Variants in CUBN observed in about 807,000 individuals in gnomAD.
CUBN encodes the protein 460 kDa receptor.
A neutral mutation model predicts 405.3 loss-of-function variants in CUBN; 282 were observed. The observed-to-expected ratio is 0.70, with a 90% confidence interval of 0.63 to 0.77. The LOEUF (loss-of-function observed/expected upper bound fraction) is 0.77. Ranked by LOEUF, CUBN falls within the 30% of genes least tolerant of loss-of-function variation. The probability of loss-of-function intolerance (pLI) is 0.00; values close to 1 mark genes in which losing one functional copy is unlikely to be tolerated. For missense variants in CUBN, 4,514 were observed against 4,475.2 expected (o/e 1.01, Z -0.25); for synonymous variants, 1,684 against 1,617.0 (o/e 1.04, Z -0.99).
chr10:16,949,256 G>T (rs1036261906), intron 34 of CUBN, among the ~76,000 whole-genome samples: 1 of 152,090 alleles, frequency 6.6e-6, no homozygotes, highest in African/African-American at 2.4e-5. Flanking sequence ...GTGTGCATAG[G>T]GTGTGGAGAG....
chr10:17,065,741 C>T, intron 21 of CUBN, 103 bp from the exon 22 acceptor site: 1 of 1,342,130 alleles, frequency 7.5e-7, no homozygotes. Flanking sequence ...AGGTTTTGTT[C>T]TCTACCTCTC....
chr10:17,113,822 G>A (rs1836822342), intron 8 of CUBN, among the ~76,000 whole-genome samples: 1 of 152,194 alleles, frequency 6.6e-6, no homozygotes, highest in East Asian at 1.9e-4. Context: ...CCCAAAGTCT[G>A]ACTCTAGCAC....
chr10:17,062,073 C>G (rs1404192225), intron 22 of CUBN, among the ~76,000 whole-genome samples: 1 of 152,170 alleles, frequency 6.6e-6, no homozygotes, highest in Non-Finnish European at 1.5e-5. Flanking sequence ...CACCCATGCG[C>G]GGAGATACTA....
At chr10:16,970,114 A>G (rs1687699) in intron 31 of CUBN, among the ~76,000 whole-genome samples, 127,180 of 152,242 alleles carry the variant, frequency 0.84, 53,642 homozygotes, top group Non-Finnish European at 0.9. Context: ...AGAAACAAGC[A>G]CCTGGCAGTG....
chr10:17,093,613 CT>C (rs923715615), intron 14 of CUBN, among the ~76,000 whole-genome samples: 1 of 151,872 alleles, frequency 6.6e-6, no homozygotes, highest in African/African-American at 2.4e-5. Flanking sequence ...TCCAGAACCC[CT>C]GCAACATATC....
chr10:17,107,745 C>T (rs1276671912), intron 10 of CUBN, among the ~76,000 whole-genome samples: 2 of 152,088 alleles, frequency 1.3e-5, no homozygotes, highest in Admixed American at 6.5e-5. Context: ...GATCCACCTG[C>T]CTCGACCTCC....
intron 28 of CUBN, among the ~76,000 whole-genome samples, chr10:16,993,434 T>C (rs775583629): frequency 6.6e-6 from 1 of 152,220 alleles, no homozygotes; most frequent in Admixed American, 6.5e-5. Flanking sequence ...AGGATACTAA[T>C]ACCCTTAAAT....
At chr10:16,910,218 C>G (rs994613319) in intron 48 of CUBN, among the ~76,000 whole-genome samples, 8 of 151,234 alleles carry the variant, frequency 5.3e-5, no homozygotes, top group African/African-American at 1.5e-4. Flanking sequence ...TCCCTCTCTT[C>G]TCCCTCTTCT....
chr10:17,009,684 A>C (rs1256970351), intron 28 of CUBN, among the ~76,000 whole-genome samples: 1 of 152,212 alleles, frequency 6.6e-6, no homozygotes, highest in African/African-American at 2.4e-5. Context: ...ACTGCAGACC[A>C]ACTGAATCCT....
chr10:17,005,884 T>C (rs1451037432), intron 28 of CUBN, among the ~76,000 whole-genome samples: 1 of 152,124 alleles, frequency 6.6e-6, no homozygotes, highest in Non-Finnish European at 1.5e-5. Context: ...AAGAGGCAAT[T>C]AAGTTAAAAT....
chr10:17,044,870 T>C, intron 25 of CUBN, 137 bp downstream of exon 25: 1 of 919,264 alleles, frequency 1.1e-6, no homozygotes. Context: ...TCTTTTATGT[T>C]TTTATTTTGT....
At chr10:16,944,392 C>G (rs975941508) in intron 36 of CUBN, among the ~76,000 whole-genome samples, 4 of 152,144 alleles carry the variant, frequency 2.6e-5, no homozygotes, top group Non-Finnish European at 5.9e-5. Context: ...TATTTCTCCC[C>G]GTTCCTTTTT....
At chr10:16,860,130 A>G (rs956542798) in intron 59 of CUBN, among the ~76,000 whole-genome samples, 5 of 152,152 alleles carry the variant, frequency 3.3e-5, no homozygotes, top group African/African-American at 1.2e-4. Flanking sequence ...GTTAAAGGAA[A>G]ACAAAAAGAA....
chr10:16,892,930 AG>A (rs1841075958), intron 54 of CUBN, among the ~76,000 whole-genome samples: 1 of 152,224 alleles, frequency 6.6e-6, no homozygotes, highest in South Asian at 2.1e-4. Context: ...CATTAATTAT[AG>A]ATTCGACAAC....
intron 22 of CUBN, among the ~76,000 whole-genome samples, chr10:17,059,761 T>C (rs1835463471): frequency 6.6e-6 from 1 of 152,224 alleles, no homozygotes; most frequent in Admixed American, 6.5e-5. Flanking sequence ...TAGGCGGTCA[T>C]GGTCATTGCT....
intron 15 of CUBN, among the ~76,000 whole-genome samples, chr10:17,087,277 G>A (rs1309544736): frequency 2.0e-5 from 3 of 152,064 alleles, no homozygotes; most frequent in Non-Finnish European, 4.4e-5. Context: ...TACAAATGAA[G>A]AGCAACACTT....
In CUBN at chr10:17,129,269, A is replaced by T; in HGVS notation, c.123-19T>A. 1 of 1,612,158 alleles carries T rather than the reference A, an allele frequency of 6.2e-7. No homozygotes were observed. The highest frequency in any genetic ancestry group is 8.5e-7 in the Non-Finnish European group (1 of 1,178,282). ...TCGAGGCCTATATAATTCAAACGAG[A>T]GAATGCATCAGTAATTAGCAAGTAC... On this transcript the variant is annotated intron_variant, in intron 1 of 66. Transcript: ENST00000377833.
At chr10:16,900,402 T>C (rs1841322392) in intron 53 of CUBN, among the ~76,000 whole-genome samples, 1 of 152,250 alleles carries the variant, frequency 6.6e-6, no homozygotes, top group Non-Finnish European at 1.5e-5. Context: ...ATCGGCTATG[T>C]ATCTAGGCAA....
chr10:16,892,101 G>T (rs974552567), intron 54 of CUBN, among the ~76,000 whole-genome samples: 1 of 152,160 alleles, frequency 6.6e-6, no homozygotes, highest in African/African-American at 2.4e-5. Context: ...TGGGAAATCA[G>T]TCCATAGCAA....
Sources: gnomAD v4.1 joint callset for allele counts (sites outside exome capture counted in the v4.1 genomes callset) on GRCh38, gnomAD v4.1.1 for gene constraint, MANE v1.5 for transcripts, NCBI Gene and HGNC (gene_info 2026-07-23, HGNC 2026-07-21) for gene names.